AXIN2: variants seen among roughly 807,000 people sequenced by gnomAD.
AXIN2 encodes axin 2, also known as axin-2.
In AXIN2, 21 loss-of-function variants were observed where a neutral mutation model predicts 74.7. The observed-to-expected ratio is 0.28, with a 90% CI of 0.20 to 0.40. The LOEUF (loss-of-function observed/expected upper bound fraction) is 0.40. Among genes scored for constraint, AXIN2 ranks in the 10% least tolerant of loss-of-function variants. The probability of loss-of-function intolerance (pLI) is 1.00; values close to 1 mark genes in which losing one functional copy is unlikely to be tolerated. For synonymous variants in AXIN2, 532 were observed against 454.9 expected (o/e 1.17, Z -2.16); for missense variants, 1,144 against 1,111.1 (o/e 1.03, Z -0.42).
At chr17:65,556,248 A>G (rs1311381417) in intron 2 of AXIN2, among the ~76,000 whole-genome samples, 1 of 152,198 alleles carries the variant, frequency 6.6e-6, no homozygotes, top group Admixed American at 6.5e-5. Context: ...CAGAAGCCCC[A>G]GTCAGGAGGC....
Position 65,537,632 on chromosome 17 carries a change from G to C in AXIN2, c.1404C>G (p.Asp468Glu), listed in dbSNP as rs2144463784. 6.9e-6 allele frequency: 11 copies of C among 1,589,066 alleles called. No individual in the cohort carries two copies. The highest frequency in any genetic ancestry group is 9.4e-6 in the Non-Finnish European group (11 of 1,170,068). The change falls in exon 6 of 11, where the codon GAC becomes GAG. Residue 468 changes from aspartate (D) to glutamate (E), a missense_variant. Asp to Glu is a conservative substitution (Grantham distance 45). This residue lies in a region of AXIN2 where 1,053 missense variants were observed against 973.5 expected (regional missense o/e 1.08). Coordinates refer to ENST00000307078, the MANE Select transcript of AXIN2 (RefSeq NM_004655.4). ...ACTGCGAATGGTGGTGGTGGTGGTGGTCCGGGGAGCGGGAGCGGGGGCTAT... is the reference window on the plus strand; with the variant it reads ...ACTGCGAATGGTGGTGGTGGTGGTGCTCCGGGGAGCGGGAGCGGGGGCTAT... Reference protein sequence around the residue: ...GRYSPRSRSPDHHHHHHSQYH... With the variant: ...GRYSPRSRSPEHHHHHHSQYH...
chr17:65,545,332 C>G (rs2044103045), intron 3 of AXIN2, among the ~76,000 whole-genome samples: 1 of 152,218 alleles, frequency 6.6e-6, no homozygotes, highest in African/African-American at 2.4e-5. Context: ...CCTGGAATGG[C>G]CCACAAGCCT....
intron 2 of AXIN2, among the ~76,000 whole-genome samples, chr17:65,556,532 C>G (rs1347091688): frequency 6.6e-6 from 1 of 152,122 alleles, no homozygotes; most frequent in Non-Finnish European, 1.5e-5. Flanking sequence ...TAGGTGTAGA[C>G]CAGATGTCTG....
At chr17:65,541,829 G>A (rs891586727) in intron 3 of AXIN2, among the ~76,000 whole-genome samples, 1 of 152,148 alleles carries the variant, frequency 6.6e-6, no homozygotes, top group African/African-American at 2.4e-5. Flanking sequence ...TTAATCTCTC[G>A]GACTGTTGTC....
In AXIN2 at chr17:65,535,730, A is replaced by G. The variant is rs1060504481; in HGVS notation, c.2142-9T>C. ...GACTGGCCACACAGCACCTGAGGAC[A>G]CAGCCAGGGCGAGGGATTTAGAGGT... is the stretch of plus-strand genomic sequence containing the variant. On this transcript the variant is annotated splice_polypyrimidine_tract_variant and intron_variant, in intron 8 of 10. Coordinates refer to ENST00000307078, the MANE Select transcript of AXIN2 (RefSeq NM_004655.4). 1.2e-6 allele frequency: 2 copies of G among 1,613,302 alleles called. No homozygotes were observed. The highest frequency in any genetic ancestry group is 2.7e-5 in the African/African-American group (2 of 75,042).
At chr17:65,534,222 G>T in intron 9 of AXIN2, 143 bp from the exon 10 acceptor site, 1 of 1,041,864 alleles carries the variant, frequency 9.6e-7, no homozygotes, top group Non-Finnish European at 1.5e-6. Flanking sequence ...TGGGGGCTGG[G>T]GCAGAGCCCC....
intron 5 of AXIN2, 128 bp from the exon 6 acceptor site, chr17:65,537,963 T>C (rs903457088): frequency 7.2e-7 from 1 of 1,386,672 alleles, no homozygotes; most frequent in Non-Finnish European, 9.8e-7. Flanking sequence ...GCCACGCCCA[T>C]GCGCACACGC....
At chr17:65,546,410 T>G (rs938712859) in intron 3 of AXIN2, among the ~76,000 whole-genome samples, 12 of 152,268 alleles carry the variant, frequency 7.9e-5, no homozygotes, top group African/African-American at 2.6e-4. Context: ...CGCCCGGTGC[T>G]GGGCAGGATC....
At chr17:65,533,877 AAACT>A (rs2043863943) in intron 10 of AXIN2, 31 bp downstream of exon 10, 2 of 1,606,148 alleles carry the variant, frequency 1.2e-6, no homozygotes, top group South Asian at 2.2e-5. Context: ...CTGAGCAAAC[AAACT>A]GAGAGCAGAA....
intron 1 of AXIN2, chr17:65,560,422 C>A (rs1294372420): frequency 8.9e-5 from 1 of 11,178 alleles, no homozygotes; most frequent in Admixed American, 1.3e-3. Flanking sequence ...GGAGGAGAGG[C>A]GGGGGGCGGG....
rs1060502131 is a variant in AXIN2, at chr17:65,558,490, T to A, written c.131A>T (p.Gln44Leu). 1 of 1,611,290 alleles carries A rather than the reference T, an allele frequency of 6.2e-7. No homozygotes were observed. Among genetic ancestry groups the A allele is most frequent in the African/African-American group, 1.3e-5 (1 of 74,900 alleles). ...PPCQPGVGKG[Q>L]VTKPMPVSSN... ...AGAGACAGGCATGGGTTTGGTGACC[T>A]GGCCCTTGCCCACCCCTGGCTGACA... Residue 44 changes from glutamine to leucine, a missense_variant, in exon 2 of 11, where the codon CAG becomes CTG. By Grantham distance (113) the Gln-to-Leu change is moderately radical. This residue lies in a region of AXIN2 where 1,053 missense variants were observed against 973.5 expected (regional missense o/e 1.08). Coordinates refer to ENST00000307078, the MANE Select transcript of AXIN2 (RefSeq NM_004655.4).
intron 8 of AXIN2, among the ~76,000 whole-genome samples, 157 bp downstream of exon 8, chr17:65,536,163 C>T (rs2043910309): frequency 6.6e-6 from 1 of 152,232 alleles, no homozygotes; most frequent in African/African-American, 2.4e-5. Context: ...TTTCTAGAAG[C>T]TGGAAAGCAG....
intron 3 of AXIN2, among the ~76,000 whole-genome samples, chr17:65,549,000 G>T (rs534538488): frequency 6.6e-6 from 1 of 152,008 alleles, no homozygotes; most frequent in Non-Finnish European, 1.5e-5. Context: ...AAAACAATGC[G>T]GAACATTACA....
chr17:65,550,316 C>G (rs2044172952), intron 2 of AXIN2, among the ~76,000 whole-genome samples: 1 of 152,246 alleles, frequency 6.6e-6, no homozygotes, highest in African/African-American at 2.4e-5. Context: ...CCAGCTTCCT[C>G]TCCCCAGGAC....
intron 7 of AXIN2, 92 bp from the exon 8 acceptor site, chr17:65,536,645 T>A: frequency 6.7e-7 from 1 of 1,482,172 alleles, no homozygotes; most frequent in Non-Finnish European, 9.4e-7. Flanking sequence ...TTGTCTATTC[T>A]GCTCAGAGAG....
chr17:65,561,405 GC>G (rs978576615), intron 1 of AXIN2, 44 bp downstream of exon 1: 4 of 148,908 alleles, frequency 2.7e-5, no homozygotes, highest in African/African-American at 7.3e-5. Flanking sequence ...TAAGAGGGGG[GC>G]TTTCTTTGAA....
chr17:65,548,442 C>T (rs937738402), intron 3 of AXIN2, among the ~76,000 whole-genome samples: 2 of 152,220 alleles, frequency 1.3e-5, no homozygotes, highest in Admixed American at 6.5e-5. Flanking sequence ...AAGGAACAAA[C>T]TCTAAATAAG....
At chr17:65,552,400 T>C (rs1356839635) in intron 2 of AXIN2, among the ~76,000 whole-genome samples, 2 of 152,354 alleles carry the variant, frequency 1.3e-5, no homozygotes, top group East Asian at 1.9e-4. Flanking sequence ...TCTGGGTGCG[T>C]AAGTAAGGCG....
chr17:65,557,625 T>C (rs1366982040), intron 2 of AXIN2, among the ~76,000 whole-genome samples, 181 bp downstream of exon 2: 1 of 152,222 alleles, frequency 6.6e-6, no homozygotes, highest in African/African-American at 2.4e-5. Flanking sequence ...GTATTTACTG[T>C]ATGTGCATCG....
Sources: allele counts gnomAD v4.1 joint callset (sites outside exome capture counted in the v4.1 genomes callset), GRCh38; gene constraint gnomAD v4.1.1; regional missense constraint gnomAD v4.1.1; transcripts MANE v1.5; gene names NCBI Gene and HGNC (gene_info 2026-07-23, HGNC 2026-07-21).